Variants in HMCN1 observed in about 807,000 individuals in gnomAD.
HMCN1 encodes hemicentin-1.
Under a neutral mutation model 625.9 loss-of-function variants are expected in HMCN1, and 321 were observed. The ratio of observed to expected loss-of-function variants is 0.51; its 90% CI spans 0.47 to 0.56. HMCN1 has a LOEUF of 0.56. Among genes scored for constraint, HMCN1 ranks in the 20% least tolerant of loss-of-function variants. The pLI is 0.00. For missense variants in HMCN1, 6,588 were observed against 6,887.3 expected (o/e 0.96, Z 1.54); for synonymous variants, 2,425 against 2,417.6 (o/e 1.00, Z -0.09).
At chr1:185,909,944 A>G (rs867202723) in intron 5 of HMCN1, among the ~76,000 whole-genome samples, 14 of 152,240 alleles carry the variant, frequency 9.2e-5, no homozygotes, top group African/African-American at 2.9e-4. Flanking sequence ...TACAGAAGAT[A>G]TTTGTTAAAA....
At chr1:185,873,380 C>T (rs1663745075) in intron 4 of HMCN1, among the ~76,000 whole-genome samples, 1 of 152,050 alleles carries the variant, frequency 6.6e-6, no homozygotes, top group African/African-American at 2.4e-5. Context: ...GTGGTGGAAA[C>T]TAAAGATTTG....
intron 70 of HMCN1, among the ~76,000 whole-genome samples, chr1:186,107,634 T>C (rs1660671018): frequency 6.6e-6 from 1 of 152,126 alleles, no homozygotes; most frequent in Admixed American, 6.5e-5. Flanking sequence ...TTACTCCATA[T>C]TTTTGGAGGT....
At chr1:186,085,310 A>G (rs991278675) in intron 57 of HMCN1, among the ~76,000 whole-genome samples, 1 of 152,080 alleles carries the variant, frequency 6.6e-6, no homozygotes, top group African/African-American at 2.4e-5. Context: ...TGGTGGCCGG[A>G]AAGTCCAAGA....
chr1:186,069,054 AG>A (rs1658319921), intron 50 of HMCN1, among the ~76,000 whole-genome samples: 1 of 152,138 alleles, frequency 6.6e-6, no homozygotes, highest in Admixed American at 6.5e-5. Context: ...GTGTGGGAAA[AG>A]TATAAAGTGA....
At chr1:185,901,223 A>C (rs2102433252) in intron 4 of HMCN1, among the ~76,000 whole-genome samples, 1 of 151,880 alleles carries the variant, frequency 6.6e-6, no homozygotes, top group Non-Finnish European at 1.5e-5. Context: ...AATCTGTTGA[A>C]TCACCCTTAA....
intron 4 of HMCN1, among the ~76,000 whole-genome samples, chr1:185,874,119 A>G (rs1663791292): frequency 6.6e-6 from 1 of 152,128 alleles, no homozygotes; most frequent in Non-Finnish European, 1.5e-5. Context: ...TTTAGTATAC[A>G]AAGTATGAAG....
rs187348195 is a variant in HMCN1 at position 185,884,708 on chromosome 1, C to T, written c.621+18845C>T. On this transcript the variant is annotated intron_variant, in intron 4 of 106. Transcript: ENST00000271588. ...TGAAACAGGTTACTAAGTCAATTTACCTGTTTGGGAAAGGTGATCACACTT... is the reference window on the plus strand; with the variant it reads ...TGAAACAGGTTACTAAGTCAATTTATCTGTTTGGGAAAGGTGATCACACTT... Among the ~76,000 whole-genome samples the T allele has an allele frequency of 2.6e-5, 4 of 152,104 alleles. No homozygotes were observed. The East Asian group carries it at 7.7e-4, about 29-fold the overall frequency.
intron 1 of HMCN1, among the ~76,000 whole-genome samples, chr1:185,798,299 A>C (rs898448281): frequency 7.9e-5 from 12 of 152,198 alleles, no homozygotes; most frequent in African/African-American, 2.9e-4. Flanking sequence ...TTTCCTTTAT[A>C]GGCAATTAGA....
At position 186,172,007 on chromosome 1, in the gene HMCN1, T is replaced by C. The variant is rs747437071; in HGVS notation, c.15690T>C (p.Asp5230=). 3 of 1,613,300 alleles carry C rather than the reference T, an allele frequency of 1.9e-6. No homozygotes were observed. The highest frequency in any genetic ancestry group is 2.5e-6 in the Non-Finnish European group (3 of 1,179,386). The change falls in exon 102 of 107, where the codon GAT becomes GAC. Residue 5230 remains aspartate (D), a splice_region_variant and synonymous_variant. Transcript: ENST00000271588. The part of the protein sequence containing the change: ...GYQLKGRKCM[D]VNECRQNVCR... ...CATTACCTTTGTTCTTTTATCAAGA[T>C]GTGAACGAGTGTAGACAAAATGTAT...
chr1:185,740,721 C>T (rs1444008436), intron 1 of HMCN1, among the ~76,000 whole-genome samples: 4 of 151,746 alleles, frequency 2.6e-5, no homozygotes, highest in Admixed American at 6.6e-5. Context: ...GCGGGGAGCT[C>T]GGTGGCTCAC....
intron 1 of HMCN1, among the ~76,000 whole-genome samples, chr1:185,759,229 A>G (rs1301752097): frequency 6.6e-6 from 1 of 152,186 alleles, no homozygotes; most frequent in African/African-American, 2.4e-5. Flanking sequence ...TTTTAACTAT[A>G]TCAGTAATAT....
At chr1:186,058,675 A>AATAT (rs1161260180) in intron 46 of HMCN1, among the ~76,000 whole-genome samples, 1 of 151,984 alleles carries the variant, frequency 6.6e-6, no homozygotes, top group Admixed American at 6.6e-5. Flanking sequence ...TTTGTGTCTG[A>AATAT]ATATAAACAA....
At chr1:185,879,035 G>A (rs1160520594) in intron 4 of HMCN1, among the ~76,000 whole-genome samples, 1 of 152,132 alleles carries the variant, frequency 6.6e-6, no homozygotes, top group Non-Finnish European at 1.5e-5. Flanking sequence ...AGGCTCAAGT[G>A]GCCTGAGTCA....
chr1:185,962,219 A>G (rs970519833), intron 11 of HMCN1, among the ~76,000 whole-genome samples: 3 of 152,144 alleles, frequency 2.0e-5, no homozygotes, highest in Non-Finnish European at 4.4e-5. Flanking sequence ...GAAGTGTCAG[A>G]TTAGTGGCAT....
Position 185,963,622 on chromosome 1 carries a change from A to T in HMCN1, c.1971-146A>T, listed in dbSNP as rs1650188003. On this transcript the variant is annotated intron_variant, in intron 12 of 106. Transcript: ENST00000271588. Reference sequence around the variant, plus strand: ...ATTATTATTGCATTTCTGCTTATAAAATAATGATGGTAACCATTTCTGCAA... The same window carrying T: ...ATTATTATTGCATTTCTGCTTATAATATAATGATGGTAACCATTTCTGCAA... 4.1e-5 allele frequency: 26 copies of T among 631,868 alleles called. No individual in the cohort carries two copies. The South Asian group carries it at 4.8e-4, about 12-fold the overall frequency. 39.1% of individuals were successfully genotyped at this position (631,868 alleles called of 1,614,324 possible).
rs760972820 is a variant in HMCN1, at chr1:185,865,715, GTTTCTT to G, written c.499-22_499-17del. ...TTTATTTCTGGAAACCCTTTACACTGTTTCTTTTTTTTTTTTTAATCATAGGTCGTA... is the reference window on the plus strand; with the variant it reads ...TTTATTTCTGGAAACCCTTTACACTGTTTTTTTTTTTAATCATAGGTCGTA... On this transcript the variant is annotated intron_variant, in intron 3 of 106. Transcript: ENST00000271588. 8.0e-5 allele frequency: 122 copies of G among 1,532,318 alleles called. 7 individuals are homozygous for G. Among genetic ancestry groups the G allele is most frequent in the Middle Eastern group, 1.7e-4 (1 of 5,814 alleles). The allele number at this position is 1,532,318 out of a possible 1,614,324, so 94.9% of individuals were successfully genotyped here. A position where few individuals can be genotyped will look rare whatever the true frequency, so the allele number is the denominator to read the frequency against.
At chr1:186,069,373 G>A (rs868815225) in intron 50 of HMCN1, among the ~76,000 whole-genome samples, 1 of 152,140 alleles carries the variant, frequency 6.6e-6, no homozygotes, top group Non-Finnish European at 1.5e-5. Flanking sequence ...TTATGAAGAG[G>A]ATGAAAGACC....
In HMCN1 at chr1:186,086,295, G is replaced by A; in HGVS notation, c.8934G>A (p.Val2978=). 1 of 1,613,240 alleles carries A rather than the reference G, an allele frequency of 6.2e-7. No individual in the cohort carries two copies. Among genetic ancestry groups the A allele is most frequent in the Non-Finnish European group, 8.5e-7 (1 of 1,179,444 alleles). The part of the protein sequence containing the change: ...GPKSENLTVV[V]NNFISLTCEV... ...AATCTGAAAATCTTACCGTCGTGGT[G>A]AACAATTTCATCTCTTTGACCTGTG... The change falls in exon 58 of 107, where the codon GTG becomes GTA. Residue 2978 remains valine (V), a synonymous_variant. Transcript: ENST00000271588.
chr1:186,008,355 T>G (rs1478973406), intron 30 of HMCN1, among the ~76,000 whole-genome samples: 4 of 152,084 alleles, frequency 2.6e-5, no homozygotes, highest in Non-Finnish European at 5.9e-5. Context: ...ACACCAGATA[T>G]CAAAAGCTTA....
Sources: gnomAD v4.1 joint callset for allele counts (sites outside exome capture counted in the v4.1 genomes callset) on GRCh38, gnomAD v4.1.1 for gene constraint, MANE v1.5 for transcripts, NCBI Gene and HGNC (gene_info 2026-07-23, HGNC 2026-07-21) for gene names.